The following NR4A3 variants were observed in gnomAD, a reference collection of about 807,000 sequenced individuals.
NR4A3 encodes nuclear receptor subfamily 4 group A member 3.
NR4A3 carries 13 observed loss-of-function variants against 55.6 expected under a neutral mutation model. That is an observed-to-expected ratio of 0.23 (90% CI 0.15 to 0.37). The LOEUF is 0.37. NR4A3 is among the 10% of genes least tolerant of loss of function. The pLI, the probability that NR4A3 is intolerant of heterozygous loss-of-function variation, is 1.00. For missense variants in NR4A3, 646 were observed against 822.8 expected, an observed-to-expected ratio of 0.79 and a Z score of 2.63; for synonymous variants, 342 against 357.9, an observed-to-expected ratio of 0.96 and a Z score of 0.50.
At chr9:99,829,080 C>T (rs1587873446) in intron 3 of NR4A3, 87 bp downstream of exon 3, 2 of 1,243,344 alleles carry the variant, frequency 1.6e-6, no homozygotes, top group South Asian at 6.0e-5. Flanking sequence ...CCTTGTTCTT[C>T]CCGGTTTGAG....
intron 1 of NR4A3, among the ~76,000 whole-genome samples, chr9:99,823,962 C>T (rs1364664017): frequency 6.6e-6 from 1 of 152,100 alleles, no homozygotes; most frequent in Non-Finnish European, 1.5e-5. Flanking sequence ...TTCACGGTTT[C>T]CTCCACACAC....
chr9:99,828,491 C>G lies in NR4A3; in HGVS notation c.449C>G (p.Pro150Arg), dbSNP rs774898366. The G allele has an allele frequency of 5.7e-6, 9 of 1,581,452 alleles. No individual in the cohort carries two copies. The highest frequency in any genetic ancestry group is 3.6e-5 in the Admixed American group (2 of 55,480). The change falls in exon 3 of 8, where the codon CCG (proline) becomes CGG (arginine). Residue 150 changes from proline to arginine, a missense_variant. Pro to Arg is a moderately radical substitution (Grantham distance 103). This residue lies in a region of NR4A3 where 426 missense variants were observed against 429.4 expected (regional missense o/e 0.99). Coordinates refer to ENST00000395097, the MANE Select transcript of NR4A3 (RefSeq NM_006981.4). This position sits in a 1 kb window ranked among gnomAD's most constrained non-coding sequence, Gnocchi z 7.7. ...ACCCCCACCACGCCGGCCTTCCCCCCGCAGGCGGGGGCGTTATGGGACGAG... is the reference window on the plus strand; with the variant it reads ...ACCCCCACCACGCCGGCCTTCCCCCGGCAGGCGGGGGCGTTATGGGACGAG... Reference protein sequence around the residue: ...PSTPTTPAFPPQAGALWDEAL... With the variant: ...PSTPTTPAFPRQAGALWDEAL...
chr9:99,853,484 C>T (rs1402788270), intron 7 of NR4A3, among the ~76,000 whole-genome samples: 3 of 96,500 alleles, frequency 3.1e-5, no homozygotes, highest in African/African-American at 1.2e-4. Flanking sequence ...CCCCCTCCCC[C>T]GACCCCACCA....
At chr9:99,829,292 TC>T (rs941432380) in intron 3 of NR4A3, among the ~76,000 whole-genome samples, 3 of 152,170 alleles carry the variant, frequency 2.0e-5, no homozygotes, top group African/African-American at 7.2e-5. Flanking sequence ...ACCTGTGACT[TC>T]GAAAATGCAA....
intron 7 of NR4A3, among the ~76,000 whole-genome samples, chr9:99,862,854 A>G (rs1247968268): frequency 6.6e-6 from 1 of 152,204 alleles, no homozygotes; most frequent in Non-Finnish European, 1.5e-5. Context: ...AATACATTAT[A>G]ACATGCCTGC....
chr9:99,845,692 A>G (rs1419540195), intron 6 of NR4A3, among the ~76,000 whole-genome samples: 2 of 152,180 alleles, frequency 1.3e-5, no homozygotes, highest in Non-Finnish European at 2.9e-5. Context: ...TAAAGTGCAG[A>G]TTGCCAGGCC....
chr9:99,828,141 C>T lies in NR4A3; in HGVS notation c.99C>T (p.Pro33=), dbSNP rs1564029717. The T allele has an allele frequency of 6.2e-7, 1 of 1,614,034 alleles. No individual in the cohort carries two copies. The highest frequency in any genetic ancestry group is 8.5e-7 in the Non-Finnish European group (1 of 1,180,002). Residue 33 remains proline (P), a synonymous_variant, in exon 3 of 8, where the codon CCC becomes CCT. Coordinates refer to ENST00000395097, the MANE Select transcript of NR4A3 (RefSeq NM_006981.4). This position sits in a 1 kb window ranked among gnomAD's most constrained non-coding sequence, Gnocchi z 7.7. The part of the protein sequence containing the change: ...SSEYTTEIMN[P]DYTKLTMDLG... ...AATACACCACGGAGATCATGAACCCCGACTACACCAAGCTGACCATGGACC... is the reference window on the plus strand; with the variant it reads ...AATACACCACGGAGATCATGAACCCTGACTACACCAAGCTGACCATGGACC...
intron 5 of NR4A3, among the ~76,000 whole-genome samples, chr9:99,840,707 C>T (rs572335412): frequency 6.6e-6 from 1 of 152,208 alleles, no homozygotes; most frequent in South Asian, 2.1e-4. Flanking sequence ...CAAGTCAGTG[C>T]AGAGCCTGGA....
intron 7 of NR4A3, among the ~76,000 whole-genome samples, chr9:99,851,913 C>A (rs989894607): frequency 4.6e-5 from 7 of 152,164 alleles, no homozygotes; most frequent in Non-Finnish European, 5.9e-5. Flanking sequence ...GCATCGAGGG[C>A]CCACTATGTA....
intron 6 of NR4A3, among the ~76,000 whole-genome samples, 198 bp downstream of exon 6, chr9:99,845,046 C>T (rs535070840): frequency 9.2e-5 from 14 of 152,264 alleles, no homozygotes; most frequent in Admixed American, 6.5e-4. Context: ...AGTCCCAGTT[C>T]TAATGTGGAC....
At chr9:99,823,342 G>C (rs1453555310) in intron 1 of NR4A3, among the ~76,000 whole-genome samples, 1 of 152,142 alleles carries the variant, frequency 6.6e-6, no homozygotes, top group East Asian at 1.9e-4. Flanking sequence ...GGAAGCCTCG[G>C]GGCAGTGGTG....
rs933182038 is a variant in NR4A3, at chr9:99,866,247, A to G, written c.*2380A>G. ...TTTGAATAAATTAGAAATACTGTGC[A>G]TACATAACCTTCTTGTGCACCATGA... On this transcript the variant is annotated 3_prime_UTR_variant, in exon 8 of 8. Transcript: ENST00000395097. The G allele has an allele frequency of 3.6e-5, 8 of 219,984 alleles. No individual in the cohort carries two copies. The highest frequency in any genetic ancestry group is 1.3e-4 in the East Asian group (2 of 14,888). 13.6% of individuals were successfully genotyped at this position (219,984 alleles called of 1,614,324 possible). A position where few individuals can be genotyped will look rare whatever the true frequency, so the allele number is the denominator to read the frequency against.
intron 2 of NR4A3, chr9:99,826,946 C>A: frequency 1.5e-6 from 1 of 670,474 alleles, no homozygotes; most frequent in Non-Finnish European, 2.6e-6. Flanking sequence ...CGTTTTTTAC[C>A]ATTTATATTT....
chr9:99,846,182 C>T (rs945082362), intron 6 of NR4A3, among the ~76,000 whole-genome samples: 3 of 152,130 alleles, frequency 2.0e-5, no homozygotes, highest in African/African-American at 4.8e-5. Flanking sequence ...TAGATACATA[C>T]GTGGCAAGAG....
intron 5 of NR4A3, among the ~76,000 whole-genome samples, chr9:99,840,555 A>C (rs1232635955): frequency 8.5e-5 from 13 of 152,220 alleles, no homozygotes; most frequent in Non-Finnish European, 1.9e-4. Context: ...ATAACATCAT[A>C]CCTGGTGTGA....
At chr9:99,841,049 G>A (rs1249299754) in intron 5 of NR4A3, among the ~76,000 whole-genome samples, 1 of 152,010 alleles carries the variant, frequency 6.6e-6, no homozygotes, top group African/African-American at 2.4e-5. Context: ...TGTCCAACAT[G>A]GTAAAACCCT....
chr9:99,839,477 G>A (rs1018854247), intron 5 of NR4A3, among the ~76,000 whole-genome samples: 4 of 152,166 alleles, frequency 2.6e-5, no homozygotes, highest in Non-Finnish European at 5.9e-5. Flanking sequence ...TTTTCCATGG[G>A]TCTCACTTAA....
At position 99,828,255 on chromosome 9, in the gene NR4A3, C is replaced by T; in HGVS notation, c.213C>T (p.Leu71=). The part of the protein sequence containing the change: ...FVEGYSSNYE[L]KPSCVYQMQR... The stretch of plus-strand genomic sequence containing the variant: ...AGGGCTACTCGAGCAACTACGAACT[C>T]AAGCCTTCCTGCGTGTACCAAATGC... The change falls in exon 3 of 8, where the codon CTC becomes CTT. Residue 71 remains leucine (L), a synonymous_variant. Coordinates refer to ENST00000395097, the MANE Select transcript of NR4A3 (RefSeq NM_006981.4). This position sits in a 1 kb window ranked among gnomAD's most constrained non-coding sequence, Gnocchi z 7.7. 1 of 1,614,046 alleles carries T rather than the reference C, an allele frequency of 6.2e-7. No individual in the cohort carries two copies. Among genetic ancestry groups the T allele is most frequent in the South Asian group, 1.1e-5 (1 of 91,078 alleles).
chr9:99,824,597 C>G (rs1827257904), intron 1 of NR4A3, among the ~76,000 whole-genome samples: 3 of 152,194 alleles, frequency 2.0e-5, no homozygotes, highest in Admixed American at 2.0e-4. Flanking sequence ...TCTCTTCCTG[C>G]AGGCAAGCCC....
Sources: gnomAD v4.1 joint callset for allele counts (sites outside exome capture counted in the v4.1 genomes callset) on GRCh38, gnomAD v4.1.1 for gene constraint, gnomAD v4.1.1 regional missense constraint, Gnocchi (gnomAD v3.1) non-coding constraint, MANE v1.5 for transcripts, NCBI Gene and HGNC (gene_info 2026-07-23, HGNC 2026-07-21) for gene names.